The following MGAT5 variants were observed in gnomAD, a reference collection of about 807,000 sequenced individuals.
The protein encoded by MGAT5 is alpha-1,6-mannosylglycoprotein 6-beta-N-acetylglucosaminyltransferase A.
MGAT5 carries 30 observed loss-of-function variants against 94.3 expected under a neutral mutation model. That is an observed-to-expected ratio of 0.32 (90% CI 0.24 to 0.43). The LOEUF (loss-of-function observed/expected upper bound fraction) is 0.43. MGAT5 is among the 20% of genes least tolerant of loss of function. The probability of loss-of-function intolerance (pLI) is 1.00; values close to 1 mark genes in which losing one functional copy is unlikely to be tolerated. For missense variants in MGAT5, 691 were observed against 905.5 expected, an observed-to-expected ratio of 0.76 and a Z score of 3.04; for synonymous variants, 310 against 322.9, an observed-to-expected ratio of 0.96 and a Z score of 0.43.
At chr2:134,431,986 A>T (rs1423589235) in intron 14 of MGAT5, among the ~76,000 whole-genome samples, 1 of 152,148 alleles carries the variant, frequency 6.6e-6, no homozygotes, top group East Asian at 1.9e-4. Flanking sequence ...GTTGATTCAG[A>T]GTGCATGCTC....
intron 12 of MGAT5, among the ~76,000 whole-genome samples, chr2:134,414,316 C>A (rs2106334957): frequency 6.6e-6 from 1 of 152,266 alleles, no homozygotes; most frequent in Middle Eastern, 3.4e-3. Flanking sequence ...GACACAGAGA[C>A]TGGGGACATT....
At chr2:134,320,690 C>G (rs888037209) in intron 4 of MGAT5, among the ~76,000 whole-genome samples, 25 of 152,120 alleles carry the variant, frequency 1.6e-4, no homozygotes, top group Admixed American at 3.9e-4. Context: ...AAGGAGAACA[C>G]CTTCATTTTT....
chr2:134,188,167 A>G (rs1454806214), intron 1 of MGAT5, among the ~76,000 whole-genome samples: 3 of 152,384 alleles, frequency 2.0e-5, no homozygotes, highest in South Asian at 2.1e-4. Flanking sequence ...TAATTTTGCC[A>G]TCAAAAAGCA....
intron 9 of MGAT5, among the ~76,000 whole-genome samples, chr2:134,357,548 T>C (rs1679824730): frequency 6.6e-6 from 1 of 152,238 alleles, no homozygotes; most frequent in South Asian, 2.1e-4. Context: ...TTTTAGGACA[T>C]GATAACCAAA....
intron 1 of MGAT5, among the ~76,000 whole-genome samples, chr2:134,193,125 A>ATT (rs1161424806): frequency 7.6e-6 from 1 of 131,276 alleles, no homozygotes; most frequent in Non-Finnish European, 1.6e-5. Flanking sequence ...TTTATTTTTT[A>ATT]TTTTTTTTTT....
intron 1 of MGAT5, among the ~76,000 whole-genome samples, chr2:134,167,756 A>G (rs998374028): frequency 6.6e-6 from 1 of 152,196 alleles, no homozygotes; most frequent in African/African-American, 2.4e-5. Context: ...ATGGTTGCAA[A>G]CCTACATAAG....
At chr2:134,147,635 C>G (rs1166006470) in intron 1 of MGAT5, among the ~76,000 whole-genome samples, 1 of 151,378 alleles carries the variant, frequency 6.6e-6, no homozygotes, top group Non-Finnish European at 1.5e-5. Context: ...GGAACAGCCT[C>G]TAATGGAAAT....
At chr2:134,283,748 T>C (rs1558759270) in intron 2 of MGAT5, among the ~76,000 whole-genome samples, 1 of 149,656 alleles carries the variant, frequency 6.7e-6, no homozygotes, top group Non-Finnish European at 1.5e-5. Flanking sequence ...GAAGTTGTCA[T>C]TGGTCTTCAT....
chr2:134,264,674 T>A (rs1430730295), intron 1 of MGAT5, among the ~76,000 whole-genome samples: 1 of 152,226 alleles, frequency 6.6e-6, no homozygotes, highest in Non-Finnish European at 1.5e-5. Context: ...CACTCTAAAA[T>A]TAATTTAAAA....
At chr2:134,345,312 C>T (rs1219301550) in intron 8 of MGAT5, among the ~76,000 whole-genome samples, 1 of 152,146 alleles carries the variant, frequency 6.6e-6, no homozygotes, top group Middle Eastern at 3.2e-3. Context: ...ACTTAGCCTT[C>T]CTCTCAGTAT....
chr2:134,190,287 T>C (rs1689300131), intron 1 of MGAT5, among the ~76,000 whole-genome samples: 1 of 152,202 alleles, frequency 6.6e-6, no homozygotes, highest in Non-Finnish European at 1.5e-5. Flanking sequence ...ATCTCAGTTA[T>C]TAGTGAACAG....
chr2:134,206,342 C>T (rs1223350519), intron 1 of MGAT5, among the ~76,000 whole-genome samples: 3 of 152,196 alleles, frequency 2.0e-5, no homozygotes, highest in Admixed American at 6.5e-5. Context: ...TACAAAGGAT[C>T]GCCAGGATGC....
chr2:134,218,832 G>A (rs1254235391), intron 1 of MGAT5, among the ~76,000 whole-genome samples: 2 of 152,134 alleles, frequency 1.3e-5, no homozygotes, highest in Non-Finnish European at 2.9e-5. Flanking sequence ...CTATTCATTC[G>A]ATTAGCCTGC....
At chr2:134,126,036 C>G (rs1685823877) in intron 1 of MGAT5, among the ~76,000 whole-genome samples, 2 of 152,204 alleles carry the variant, frequency 1.3e-5, no homozygotes, top group Admixed American at 1.3e-4. Context: ...TAATCGGTGC[C>G]TGTGAAGACA....
At chr2:134,200,885 T>C (rs757466743) in intron 1 of MGAT5, among the ~76,000 whole-genome samples, 23 of 152,030 alleles carry the variant, frequency 1.5e-4, no homozygotes, top group Non-Finnish European at 3.2e-4. Flanking sequence ...ATTAGCCCAG[T>C]GTTGTGGTAT....
At chr2:134,298,084 G>A (rs899919549) in intron 2 of MGAT5, among the ~76,000 whole-genome samples, 3 of 151,948 alleles carry the variant, frequency 2.0e-5, no homozygotes, top group Non-Finnish European at 4.4e-5. Context: ...AAATAATAGA[G>A]AAAAATATTA....
chr2:134,174,155 A>G (rs1259652394), intron 1 of MGAT5, among the ~76,000 whole-genome samples: 1 of 152,248 alleles, frequency 6.6e-6, no homozygotes, highest in Non-Finnish European at 1.5e-5. Flanking sequence ...GATGTCAGGA[A>G]ACGTTTCTCA....
At chr2:134,263,115 G>A (rs1683444275) in intron 1 of MGAT5, among the ~76,000 whole-genome samples, 2 of 152,160 alleles carry the variant, frequency 1.3e-5, no homozygotes. Flanking sequence ...TTCCAAGAAG[G>A]TGCGGGCCCT....
chr2:134,272,323 G>A (rs1276049012), intron 2 of MGAT5, among the ~76,000 whole-genome samples: 3 of 151,950 alleles, frequency 2.0e-5, no homozygotes, highest in Non-Finnish European at 2.9e-5. Flanking sequence ...TGTGCCACTG[G>A]TGCTGTGTTT....
Sources: gnomAD v4.1 joint callset for allele counts (sites outside exome capture counted in the v4.1 genomes callset) on GRCh38, gnomAD v4.1.1 for gene constraint, MANE v1.5 for transcripts, NCBI Gene and HGNC (gene_info 2026-07-23, HGNC 2026-07-21) for gene names.